SLC2A14: variants seen among roughly 807,000 people sequenced by gnomAD.
SLC2A14 encodes the protein solute carrier family 2 member 14.
In SLC2A14, 13 loss-of-function variants were observed where a neutral mutation model predicts 43.0. The ratio of observed to expected loss-of-function variants is 0.30; its 90% CI spans 0.20 to 0.48. The LOEUF (loss-of-function observed/expected upper bound fraction) is 0.48. Among genes scored for constraint, SLC2A14 ranks in the 20% least tolerant of loss-of-function variants. The probability of loss-of-function intolerance (pLI) is 0.99; values close to 1 mark genes in which losing one functional copy is unlikely to be tolerated. For missense variants in SLC2A14, 428 were observed against 620.4 expected (o/e 0.69, Z 3.29); for synonymous variants, 190 against 233.8 (o/e 0.81, Z 1.71).
chr12:7,872,870 G>T lies in SLC2A14; in HGVS notation c.-121C>A. ...CGCTCAACCACGCACCTCCCGGGCC[G>T]CTGCGCCCCCGCCGGCCCCGCCTGC... On this transcript the variant is annotated 5_prime_UTR_variant, in exon 1 of 11. Coordinates refer to ENST00000431042, the MANE Select transcript of SLC2A14 (RefSeq NM_001286234.2). 2 of 985,590 alleles carry T rather than the reference G, an allele frequency of 2.0e-6. 1 individual carries two copies. The highest frequency in any genetic ancestry group is 2.4e-6 in the Non-Finnish European group (2 of 830,090). 61.1% of individuals were successfully genotyped at this position (985,590 alleles called of 1,614,324 possible).
intron 7 of SLC2A14, among the ~76,000 whole-genome samples, chr12:7,822,482 G>A (rs187715697): frequency 6.6e-5 from 10 of 151,572 alleles, no homozygotes; most frequent in African/African-American, 2.4e-4. Flanking sequence ...CCTGGCTAAC[G>A]TGGTGAAACC....
At chr12:7,839,712 A>T (rs1865762782) in intron 2 of SLC2A14, 1 of 385,450 alleles carries the variant, frequency 2.6e-6, no homozygotes, top group Non-Finnish European at 5.1e-6. Flanking sequence ...ATTAAGAGGC[A>T]GGACCTTTTG....
intron 8 of SLC2A14, among the ~76,000 whole-genome samples, chr12:7,820,747 T>C (rs962448359): frequency 2.0e-5 from 3 of 152,058 alleles, no homozygotes; most frequent in Non-Finnish European, 2.9e-5. Context: ...GCTTGAAGAA[T>C]GAAGACTACA....
At chr12:7,874,991 A>T (rs184656251), upstream of SLC2A14, among the ~76,000 whole-genome samples, 11,903 of 94,728 alleles carry the variant, frequency 0.13, 1,094 homozygotes, top group East Asian at 0.33. Context: ...TTATATATAA[A>T]TTATATATAA....
rs1330955248 is a variant in SLC2A14 at position 7,816,082 on chromosome 12, ATTTT to A, written c.1276-1552_1276-1549del. Among the ~76,000 whole-genome samples the A allele has an allele frequency of 8.2e-3, 880 of 107,936 alleles. 14 individuals are homozygous for A. Among genetic ancestry groups the A allele is most frequent in the African/African-American group, 0.011 (262 of 23,046 alleles). 70.8% of individuals were successfully genotyped at this position (107,936 alleles called of 152,430 possible). A position where few individuals can be genotyped will look rare whatever the true frequency, so the allele number is the denominator to read the frequency against. On this transcript the variant is annotated intron_variant, in intron 10 of 10. Transcript: ENST00000431042. The stretch of plus-strand genomic sequence containing the variant: ...CACCCAGCTAATTTCTTGAATTTTT[ATTTT>A]TTATTTTTTTTATTTTTTTTATTTT...
chr12:7,879,537 A>C (rs1474431373), intron 1 of SLC2A14, among the ~76,000 whole-genome samples: 1 of 152,040 alleles, frequency 6.6e-6, no homozygotes, highest in African/African-American at 2.4e-5. Context: ...CAAAAAAATT[A>C]GCCAGGCATG....
chr12:7,853,044 T>G (rs1403541987), intron 2 of SLC2A14, among the ~76,000 whole-genome samples: 1 of 152,140 alleles, frequency 6.6e-6, no homozygotes, highest in Admixed American at 6.6e-5. Context: ...ATCTGATAGC[T>G]TCAATTGGTT....
chr12:7,844,142 C>G (rs1310606579), intron 2 of SLC2A14, among the ~76,000 whole-genome samples: 1 of 152,160 alleles, frequency 6.6e-6, no homozygotes, highest in Non-Finnish European at 1.5e-5. Flanking sequence ...TTTCCTAGTG[C>G]TGGTTCCAGT....
At chr12:7,852,878 A>G (rs1384258395) in intron 2 of SLC2A14, among the ~76,000 whole-genome samples, 1 of 152,146 alleles carries the variant, frequency 6.6e-6, no homozygotes, top group African/African-American at 2.4e-5. Flanking sequence ...TATTTTGTAT[A>G]TAGGCAGGAG....
upstream of SLC2A14, among the ~76,000 whole-genome samples, chr12:7,873,642 A>AAAACAAACAAAC (rs144363840): frequency 3.9e-4 from 59 of 151,174 alleles, no homozygotes; most frequent in African/African-American, 1.4e-3. Flanking sequence ...TCCGTCTCAA[A>AAAACAAACAAAC]AAACAAACAA....
intron 1 of SLC2A14, 121 bp from the exon 2 acceptor site, chr12:7,870,058 T>C: frequency 3.7e-6 from 2 of 533,534 alleles, no homozygotes; most frequent in Non-Finnish European, 6.5e-6. Flanking sequence ...GGAAGAAAAG[T>C]GAAAATTTAT....
chr12:7,857,279 A>T (rs1434520586), intron 2 of SLC2A14, among the ~76,000 whole-genome samples: 1 of 149,042 alleles, frequency 6.7e-6, no homozygotes, highest in African/African-American at 2.5e-5. Context: ...AAAAAACATA[A>T]ACAAAAACCA....
intron 7 of SLC2A14, among the ~76,000 whole-genome samples, chr12:7,825,386 G>C (rs1864257408): frequency 6.7e-6 from 1 of 149,256 alleles, no homozygotes; most frequent in African/African-American, 2.4e-5. Flanking sequence ...CTTGAACCCA[G>C]GAGGTAGAGG....
rs58731631 is a variant in SLC2A14, at chr12:7,849,529, C to T, written c.19-16715G>A. Among the ~76,000 whole-genome samples, 975 of 151,912 alleles carry T rather than the reference C, an allele frequency of 6.4e-3. 7 individuals are homozygous for T. Among genetic ancestry groups the T allele is most frequent in the African/African-American group, 0.022 (914 of 41,434 alleles). ...ACATAAGTAAATCAAGAAAGAACAG[C>T]TTTCTAAACCCAGAAAGAATTGAAT... On this transcript the variant is annotated intron_variant, in intron 2 of 10. Coordinates refer to ENST00000431042, the MANE Select transcript of SLC2A14 (RefSeq NM_001286234.2).
intron 7 of SLC2A14, among the ~76,000 whole-genome samples, chr12:7,826,916 T>TC (rs1182711752): frequency 2.5e-5 from 3 of 120,800 alleles, no homozygotes; most frequent in Non-Finnish European, 3.7e-5. Flanking sequence ...TTTCTTTCTT[T>TC]TTCCTTTTTC....
chr12:7,837,037 C>T lies in SLC2A14; in HGVS notation c.19-4223G>A, dbSNP rs182506186. The stretch of plus-strand genomic sequence containing the variant: ...CAAAAATTATCCGAGCATGGTGGCA[C>T]ATGCCTGTAATCCCAGCTATTCGGG... On this transcript the variant is annotated intron_variant, in intron 2 of 10. Transcript: ENST00000431042. Among the ~76,000 whole-genome samples the T allele has an allele frequency of 6.6e-3, 1,001 of 151,630 alleles. 11 individuals carry two copies. The highest frequency in any genetic ancestry group is 0.023 in the African/African-American group (944 of 41,324).
intron 2 of SLC2A14, chr12:7,839,569 A>G: frequency 3.7e-6 from 1 of 271,102 alleles, no homozygotes; most frequent in Admixed American, 5.2e-5. Flanking sequence ...GAGCAGAAGC[A>G]TGACATCAGT....
chr12:7,863,462 T>C (rs982488532), intron 2 of SLC2A14: 26 of 451,312 alleles, frequency 5.8e-5, no homozygotes, highest in Admixed American at 4.8e-4. Context: ...CCATCTCTAT[T>C]AAAAATACAA....
At chr12:7,872,742 C>CTCT (rs1447625276) in intron 1 of SLC2A14, 65 bp downstream of exon 1, 3 of 983,164 alleles carry the variant, frequency 3.1e-6, no homozygotes, top group Non-Finnish European at 3.6e-6. Flanking sequence ...GCTCGGCCAC[C>CTCT]TCTACCCCAG....
Sources: allele counts gnomAD v4.1 joint callset (sites outside exome capture counted in the v4.1 genomes callset), GRCh38; gene constraint gnomAD v4.1.1; transcripts MANE v1.5; gene names NCBI Gene and HGNC (gene_info 2026-07-23, HGNC 2026-07-21).